Variants in MARK1 observed in about 807,000 individuals in gnomAD.
MARK1 encodes microtubule affinity regulating kinase 1.
A neutral mutation model predicts 96.3 loss-of-function variants in MARK1; 40 were observed. That is an observed-to-expected ratio of 0.42 (90% CI 0.32 to 0.54). The LOEUF is 0.54. Among genes scored for constraint, MARK1 ranks in the 20% least tolerant of loss-of-function variants. The probability of loss-of-function intolerance (pLI) is 0.16; values close to 1 mark genes in which losing one functional copy is unlikely to be tolerated. For missense variants in MARK1, 719 were observed against 984.6 expected, an observed-to-expected ratio of 0.73 and a Z score of 3.61; for synonymous variants, 317 against 341.2, an observed-to-expected ratio of 0.93 and a Z score of 0.78.
intron 1 of MARK1, among the ~76,000 whole-genome samples, chr1:220,549,648 C>T (rs1661727654): frequency 6.6e-6 from 1 of 152,146 alleles, no homozygotes; most frequent in Admixed American, 6.5e-5. Flanking sequence ...GGAATTAGAG[C>T]AGAGTACAGA....
At chr1:220,562,405 G>A (rs556783443) in intron 1 of MARK1, among the ~76,000 whole-genome samples, 1 of 152,294 alleles carries the variant, frequency 6.6e-6, no homozygotes, top group South Asian at 2.1e-4. Flanking sequence ...GGGAGGTGCA[G>A]GTTGCAGTGA....
chr1:220,644,298 A>G (rs1235717944), intron 13 of MARK1, among the ~76,000 whole-genome samples: 1 of 152,216 alleles, frequency 6.6e-6, no homozygotes, highest in African/African-American at 2.4e-5. Context: ...CTTTAAACCA[A>G]CAAAGGTCAG....
chr1:220,599,856 G>A lies in MARK1; in HGVS notation c.417G>A (p.Ala139=), dbSNP rs1264420918. 6 of 1,606,050 alleles carry A rather than the reference G, an allele frequency of 3.7e-6. No individual in the cohort carries two copies. Among genetic ancestry groups the A allele is most frequent in the African/African-American group, 1.3e-5 (1 of 74,506 alleles). Residue 139 remains alanine (A), a synonymous_variant, in exon 5 of 18, where the codon GCG becomes GCA. Coordinates refer to ENST00000366917, the MANE Select transcript of MARK1 (RefSeq NM_018650.5). ...EKTLYLVMEY[A]SGGEVFDYLV... is the part of the protein sequence containing the mutation. ...CTCTCTATTTAGTCATGGAATACGC[G>A]AGTGGGGGTAAGAATGAGGGTGATT...
intron 3 of MARK1, among the ~76,000 whole-genome samples, chr1:220,592,788 C>T (rs1195851527): frequency 6.6e-6 from 1 of 152,130 alleles, no homozygotes; most frequent in African/African-American, 2.4e-5. Context: ...CAGGGAGCAC[C>T]ACTAGCCAAG....
At chr1:220,623,849 T>C (rs942952311) in intron 9 of MARK1, among the ~76,000 whole-genome samples, 10 of 152,240 alleles carry the variant, frequency 6.6e-5, no homozygotes, top group Admixed American at 2.0e-4. Flanking sequence ...CCTTCTGCCA[T>C]GACTTTGCAC....
At chr1:220,606,196 T>C (rs921427498) in intron 6 of MARK1, among the ~76,000 whole-genome samples, 7 of 152,210 alleles carry the variant, frequency 4.6e-5, no homozygotes, top group Non-Finnish European at 1.0e-4. Context: ...GCCTTTTTAA[T>C]GATTGCCATT....
chr1:220,555,565 G>A (rs371891780), intron 1 of MARK1, among the ~76,000 whole-genome samples: 63 of 152,130 alleles, frequency 4.1e-4, no homozygotes, highest in Non-Finnish European at 8.8e-4. Flanking sequence ...GATTTGAGGA[G>A]TTAGGGTGAG....
At chr1:220,615,529 T>C (rs975051019) in intron 6 of MARK1, among the ~76,000 whole-genome samples, 4 of 152,180 alleles carry the variant, frequency 2.6e-5, no homozygotes, top group Non-Finnish European at 4.4e-5. Context: ...ATTCCTAGAA[T>C]AGAGTTTTGC....
intron 6 of MARK1, among the ~76,000 whole-genome samples, chr1:220,605,606 G>C (rs998655828): frequency 6.6e-6 from 1 of 151,692 alleles, no homozygotes; most frequent in Admixed American, 6.6e-5. Context: ...ATATTGGTTT[G>C]CTGCACCCAT....
Position 220,652,031 on chromosome 1 carries a change from T to C in MARK1, c.1617T>C (p.Ser539=), listed in dbSNP as rs371172972. The stretch of plus-strand genomic sequence containing the variant: ...GTAGCATATCTTCTGCAGGCTCTTC[T>C]GTGGCCTCTGCTGTCCCCTCAGCAC... ...SVSSISSAGS[S]VASAVPSARP... Residue 539 remains serine, a synonymous_variant, in exon 15 of 18, where the codon TCT becomes TCC. Coordinates refer to ENST00000366917, the MANE Select transcript of MARK1 (RefSeq NM_018650.5). 4 of 1,612,958 alleles carry C rather than the reference T, an allele frequency of 2.5e-6. No individual in the cohort carries two copies. Among genetic ancestry groups the C allele is most frequent in the East Asian group, 4.5e-5 (2 of 44,870 alleles).
intron 1 of MARK1, among the ~76,000 whole-genome samples, chr1:220,543,785 A>G (rs1432808531): frequency 6.6e-6 from 1 of 152,108 alleles, no homozygotes; most frequent in Non-Finnish European, 1.5e-5. Flanking sequence ...GATTGTTTCA[A>G]ATTTGCATTT....
chr1:220,613,881 C>A (rs1441314973), intron 6 of MARK1, among the ~76,000 whole-genome samples: 2 of 152,160 alleles, frequency 1.3e-5, no homozygotes, highest in East Asian at 1.9e-4. Context: ...TGACTTTGAC[C>A]AACCTATTTG....
intron 1 of MARK1, among the ~76,000 whole-genome samples, chr1:220,565,638 C>G (rs989016367): frequency 2.0e-5 from 3 of 152,012 alleles, no homozygotes; most frequent in Admixed American, 1.3e-4. Context: ...TTCCCTAGCC[C>G]AAAAGCTCAG....
chr1:220,644,585 T>G (rs1668480247), intron 13 of MARK1, among the ~76,000 whole-genome samples: 1 of 151,440 alleles, frequency 6.6e-6, no homozygotes, highest in Admixed American at 6.6e-5. Context: ...GTGGACCTGA[T>G]AGATATCTGC....
intron 1 of MARK1, 139 bp downstream of exon 1, chr1:220,529,012 C>A: frequency 1.3e-6 from 1 of 764,274 alleles, no homozygotes; most frequent in Non-Finnish European, 2.1e-6. Context: ...CGGCGTGACC[C>A]TCACCCACTG....
At chr1:220,580,800 T>C (rs914312280) in intron 2 of MARK1, among the ~76,000 whole-genome samples, 2 of 152,218 alleles carry the variant, frequency 1.3e-5, no homozygotes, top group Admixed American at 6.5e-5. Context: ...AGATACAGGA[T>C]GATTTTTACT....
intron 7 of MARK1, among the ~76,000 whole-genome samples, chr1:220,616,216 G>A (rs1475561317): frequency 6.6e-6 from 1 of 152,100 alleles, no homozygotes; most frequent in Non-Finnish European, 1.5e-5. Flanking sequence ...GAAGTTAGAC[G>A]ATTTGATTCA....
chr1:220,633,752 G>A (rs1326581450), intron 11 of MARK1, among the ~76,000 whole-genome samples: 1 of 152,218 alleles, frequency 6.6e-6, no homozygotes, highest in Non-Finnish European at 1.5e-5. Flanking sequence ...AAGAGCCCAT[G>A]AGATTTCCAA....
chr1:220,634,636 G>A (rs943184589), intron 11 of MARK1, among the ~76,000 whole-genome samples: 6 of 152,076 alleles, frequency 3.9e-5, no homozygotes, highest in South Asian at 4.1e-4. Flanking sequence ...TATTATCATC[G>A]GTATTGCTCT....
Sources: gnomAD v4.1 joint callset for allele counts (sites outside exome capture counted in the v4.1 genomes callset) on GRCh38, gnomAD v4.1.1 for gene constraint, MANE v1.5 for transcripts, NCBI Gene and HGNC (gene_info 2026-07-23, HGNC 2026-07-21) for gene names.